The following SLC35E4 variants were observed in gnomAD, a reference collection of about 807,000 sequenced individuals.
SLC35E4 encodes solute carrier family 35, member E4.
In SLC35E4, 15 loss-of-function variants were observed where a neutral mutation model predicts 19.3. The ratio of observed to expected loss-of-function variants is 0.78; its 90% CI spans 0.52 to 1.20. The LOEUF (loss-of-function observed/expected upper bound fraction) is 1.20. Among genes scored for constraint, SLC35E4 ranks in the 50% most tolerant of loss-of-function variants. The pLI, the probability that SLC35E4 is intolerant of heterozygous loss-of-function variation, is 0.00. For synonymous variants in SLC35E4, 219 were observed against 219.9 expected, an observed-to-expected ratio of 1.00 and a Z score of 0.04; for missense variants, 406 against 472.3, an observed-to-expected ratio of 0.86 and a Z score of 1.30.
At chr22:30,645,062 C>G (rs990377695) in intron 1 of SLC35E4, among the ~76,000 whole-genome samples, 2 of 152,204 alleles carry the variant, frequency 1.3e-5, no homozygotes, top group African/African-American at 4.8e-5. Context: ...CCTTGTCACT[C>G]CAGTGGTCAT....
chr22:30,649,214 G>A (rs145566570), downstream of SLC35E4: 12,546 of 717,106 alleles, frequency 0.017, 202 homozygotes, highest in Non-Finnish European at 0.019. Context: ...GAGAGGGTTC[G>A]AATGAGGAGC....
intron 2 of SLC35E4, among the ~76,000 whole-genome samples, chr22:30,653,506 G>A (rs1364766960): frequency 6.6e-6 from 1 of 152,002 alleles, no homozygotes; most frequent in African/African-American, 2.4e-5. Context: ...TGAGTAGGTG[G>A]AACTACAGGT....
intron 2 of SLC35E4, chr22:30,654,277 C>T: frequency 2.3e-6 from 1 of 441,152 alleles, no homozygotes; most frequent in Non-Finnish European, 4.5e-6. Context: ...AGCCACCGCG[C>T]CCGGCCATCC....
At chr22:30,657,948 T>C (rs1437281033) in intron 2 of SLC35E4, among the ~76,000 whole-genome samples, 1 of 143,294 alleles carries the variant, frequency 7.0e-6, no homozygotes, top group Non-Finnish European at 1.5e-5. Context: ...ATAATAATAA[T>C]AATAATGATT....
downstream of SLC35E4, among the ~76,000 whole-genome samples, chr22:30,649,880 G>A (rs2088182499): frequency 6.7e-6 from 1 of 149,502 alleles, no homozygotes; most frequent in African/African-American, 2.5e-5. Context: ...TGGTGGTTGT[G>A]GGGACAGGTA....
intron 2 of SLC35E4, among the ~76,000 whole-genome samples, chr22:30,655,141 G>A (rs912971277): frequency 6.6e-6 from 1 of 152,020 alleles, no homozygotes; most frequent in Non-Finnish European, 1.5e-5. Context: ...TCTGGCCCAG[G>A]GTTGTAGGGA....
chr22:30,642,020 T>G (rs1376953772), intron 1 of SLC35E4, among the ~76,000 whole-genome samples: 4 of 151,972 alleles, frequency 2.6e-5, no homozygotes, highest in East Asian at 1.9e-4. Flanking sequence ...AGGCTTTTTT[T>G]GCTTGTTTGT....
chr22:30,650,785 A>G (rs776023417), downstream of SLC35E4, among the ~76,000 whole-genome samples: 15 of 152,110 alleles, frequency 9.9e-5, no homozygotes, highest in Non-Finnish European at 1.6e-4. Flanking sequence ...CACATTTGAG[A>G]GTCCCCCAGG....
downstream of SLC35E4, chr22:30,663,337 T>A: frequency 1.6e-6 from 2 of 1,246,874 alleles, no homozygotes; most frequent in Non-Finnish European, 2.2e-6. Context: ...ATCTGTTTTT[T>A]TCTGTATCAA....
downstream of SLC35E4, among the ~76,000 whole-genome samples, chr22:30,648,850 A>G (rs2088171693): frequency 1.3e-5 from 2 of 152,102 alleles, no homozygotes; most frequent in African/African-American, 4.8e-5. Context: ...TTTCAAAAAA[A>G]AAAAGGGCTG....
downstream of SLC35E4, among the ~76,000 whole-genome samples, chr22:30,650,158 C>T (rs1020787956): frequency 1.3e-5 from 2 of 148,888 alleles, no homozygotes; most frequent in African/African-American, 2.5e-5. Context: ...ATGGTGAAAC[C>T]CCGTCTCTAC....
chr22:30,636,301 C>T lies in SLC35E4; in HGVS notation c.-150C>T. 8.8e-7 allele frequency: 1 copy of T among 1,135,074 alleles called. No homozygotes were observed. Among genetic ancestry groups the T allele is most frequent in the Non-Finnish European group, 1.2e-6 (1 of 832,680 alleles). The allele number at this position is 1,135,074 out of a possible 1,614,324, so 70.3% of individuals were successfully genotyped here. On this transcript the variant is annotated 5_prime_UTR_variant, in exon 1 of 2. Coordinates refer to ENST00000343605, the MANE Select transcript of SLC35E4 (RefSeq NM_001001479.4). ...AGCTTCTAGACATCGCTGGCACAGG[C>T]CTGGCACAAGTAAGCAGTGTCCTCA... is the stretch of plus-strand genomic sequence containing the variant.
At chr22:30,640,924 A>G (rs1455073970) in intron 1 of SLC35E4, among the ~76,000 whole-genome samples, 1 of 152,138 alleles carries the variant, frequency 6.6e-6, no homozygotes, top group East Asian at 1.9e-4. Context: ...GATTGAAGTC[A>G]GAGTTCAGCC....
chr22:30,653,937 G>T, intron 2 of SLC35E4: 1 of 168,434 alleles, frequency 5.9e-6, no homozygotes, highest in Non-Finnish European at 1.3e-5. Context: ...CCTTCTCCAC[G>T]TTCTTTTCGG....
chr22:30,667,971 C>T (rs1412666163), downstream of SLC35E4: 1 of 152,960 alleles, frequency 6.5e-6, no homozygotes, highest in African/African-American at 2.4e-5. Flanking sequence ...CAGGGACTAA[C>T]TCCAGGTCTG....
downstream of SLC35E4, chr22:30,665,672 C>T (rs73400323): frequency 2.1e-4 from 78 of 377,746 alleles, no homozygotes; most frequent in Admixed American, 1.3e-3. Context: ...TTACTGAAGA[C>T]GTAGTTTTGC....
At chr22:30,651,421 ATATATATTTTTTTTTTTT>A (rs1569062067), downstream of SLC35E4, among the ~76,000 whole-genome samples, 61 of 53,184 alleles carry the variant, frequency 1.1e-3, no homozygotes, top group South Asian at 2.0e-3. Flanking sequence ...ATATATATAT[ATATATATTTTTTTTTTTT>A]TTTTTTTTTT....
rs570195302 is a variant in SLC35E4, at chr22:30,636,538, C to G, written c.88C>G (p.Pro30Ala). 3 of 1,555,800 alleles carry G rather than the reference C, an allele frequency of 1.9e-6. No homozygotes were observed. The highest frequency in any genetic ancestry group is 2.7e-5 in the African/African-American group (2 of 73,320). The change falls in exon 1 of 2, where the codon CCC (proline) becomes GCC (alanine). Residue 30 changes from proline to alanine, a missense_variant. Physicochemically the swap from Pro to Ala is conservative, Grantham distance 27. Transcript: ENST00000343605. ...AGCTGGTGGTGCTCAGGCGGCTGGG[C>G]CCCCCGAGTGGCCCCCTGGCAGCCC... ...AAAGGAQAAG[P>A]PEWPPGSPQA...
downstream of SLC35E4, among the ~76,000 whole-genome samples, chr22:30,651,419 ATATATATATTTTTTTTTTTTT>A (rs1254077286): frequency 0.021 from 1,327 of 63,604 alleles, 10 homozygotes; most frequent in South Asian, 0.036. Context: ...ATATATATAT[ATATATATATTTTTTTTTTTTT>A]TTTTTTTTTT....
Sources: allele counts gnomAD v4.1 joint callset (sites outside exome capture counted in the v4.1 genomes callset), GRCh38; gene constraint gnomAD v4.1.1; transcripts MANE v1.5; gene names NCBI Gene and HGNC (gene_info 2026-07-23, HGNC 2026-07-21).